RIMS2: variants seen among roughly 807,000 people sequenced by gnomAD.
RIMS2 encodes regulating synaptic membrane exocytosis protein 2.
In RIMS2, 59 loss-of-function variants were observed where a neutral mutation model predicts 174.4. The ratio of observed to expected loss-of-function variants is 0.34; its 90% CI spans 0.27 to 0.42. The LOEUF (loss-of-function observed/expected upper bound fraction) is 0.42, where lower values mean the gene tolerates loss of function less well. Ranked by LOEUF, RIMS2 falls within the 10% of genes least tolerant of loss-of-function variation. The pLI is 1.00. For synonymous variants in RIMS2, 606 were observed against 572.5 expected, an observed-to-expected ratio of 1.06 and a Z score of -0.84; for missense variants, 1,620 against 1,666.3, an observed-to-expected ratio of 0.97 and a Z score of 0.48.
At chr8:103,670,694 C>A (rs2096733669) in intron 1 of RIMS2, among the ~76,000 whole-genome samples, 2 of 152,202 alleles carry the variant, frequency 1.3e-5, no homozygotes, top group Admixed American at 6.5e-5. Context: ...CAGCTTTGCT[C>A]CACTTCCCAA....
At chr8:103,950,577 A>G (rs918794915) in intron 14 of RIMS2, among the ~76,000 whole-genome samples, 3 of 152,194 alleles carry the variant, frequency 2.0e-5, no homozygotes, top group African/African-American at 7.2e-5. Flanking sequence ...CATTTGATAA[A>G]ATCCAATGTT....
chr8:103,629,299 T>TCCTGGACAGATC (rs1308527564), intron 1 of RIMS2, among the ~76,000 whole-genome samples: 2 of 152,160 alleles, frequency 1.3e-5, no homozygotes, highest in Non-Finnish European at 2.9e-5. Flanking sequence ...GCATATGAAG[T>TCCTGGACAGATC]CCTGGACAGA....
chr8:103,967,155 G>A (rs72683106), intron 15 of RIMS2, among the ~76,000 whole-genome samples: 17,654 of 119,078 alleles, frequency 0.15, 1,484 homozygotes, highest in Non-Finnish European at 0.21. Context: ...TTTTCTGCCT[G>A]CTTGATCTGT....
chr8:104,148,741 C>A, intron 19 of RIMS2: 4 of 1,598,324 alleles, frequency 2.5e-6, no homozygotes, highest in Middle Eastern at 1.7e-4. Flanking sequence ...GCAGTGGGCA[C>A]CTTGGGCACC....
chr8:103,918,202 AG>A (rs2076964935), intron 8 of RIMS2, among the ~76,000 whole-genome samples: 1 of 152,186 alleles, frequency 6.6e-6, no homozygotes, highest in Admixed American at 6.5e-5. Context: ...TGTTTTTAAA[AG>A]TATGCTATGG....
intron 19 of RIMS2, among the ~76,000 whole-genome samples, chr8:104,119,922 T>C (rs72685005): frequency 0.036 from 5,526 of 152,326 alleles, 138 homozygotes; most frequent in Middle Eastern, 0.14. Flanking sequence ...CCATTTGTAC[T>C]TAAGGACAGT....
At chr8:103,895,421 T>C (rs150922964) in intron 4 of RIMS2, among the ~76,000 whole-genome samples, 2 of 151,644 alleles carry the variant, frequency 1.3e-5, no homozygotes, top group African/African-American at 4.9e-5. Flanking sequence ...TGCAAATAGC[T>C]CTTTTTGCTG....
At chr8:104,127,733 A>C (rs2098443430) in intron 19 of RIMS2, among the ~76,000 whole-genome samples, 1 of 140,488 alleles carries the variant, frequency 7.1e-6, no homozygotes, top group Non-Finnish European at 1.5e-5. Flanking sequence ...AAATGGTTGC[A>C]AAAAAAAACA....
At chr8:103,686,394 AC>A (rs1180914065) in intron 1 of RIMS2, among the ~76,000 whole-genome samples, 1 of 152,128 alleles carries the variant, frequency 6.6e-6, no homozygotes, top group Non-Finnish European at 1.5e-5. Flanking sequence ...GAAAGAGGAT[AC>A]CTTGCTTTAT....
chr8:103,630,076 C>T (rs1045694517), intron 1 of RIMS2, among the ~76,000 whole-genome samples: 1 of 149,632 alleles, frequency 6.7e-6, no homozygotes, highest in African/African-American at 2.5e-5. Flanking sequence ...CTGAGTGAAC[C>T]AATATCAGGC....
chr8:103,686,084 T>C (rs1212469168), intron 1 of RIMS2, among the ~76,000 whole-genome samples: 1 of 152,148 alleles, frequency 6.6e-6, no homozygotes, highest in Non-Finnish European at 1.5e-5. Flanking sequence ...TTTTTTATTT[T>C]TCGCTGCTGT....
chr8:103,552,413 T>C (rs1031501507), intron 1 of RIMS2, among the ~76,000 whole-genome samples: 1 of 152,232 alleles, frequency 6.6e-6, no homozygotes, highest in Non-Finnish European at 1.5e-5. Flanking sequence ...AAGCTGAAAT[T>C]GGATCCCTTC....
chr8:104,025,693 C>T (rs1317688315), intron 19 of RIMS2, among the ~76,000 whole-genome samples: 2 of 143,758 alleles, frequency 1.4e-5, no homozygotes, highest in Non-Finnish European at 1.5e-5. Context: ...CACCCTGAAG[C>T]AGTTGTTAAA....
intron 19 of RIMS2, among the ~76,000 whole-genome samples, chr8:104,196,768 A>T (rs959669063): frequency 2.1e-5 from 3 of 144,192 alleles, no homozygotes; most frequent in Non-Finnish European, 1.5e-5. Flanking sequence ...AATGATATAG[A>T]TGCTTAACAA....
chr8:103,530,435 CTGTTA>C (rs1378124046), intron 1 of RIMS2, among the ~76,000 whole-genome samples: 5 of 151,986 alleles, frequency 3.3e-5, no homozygotes, highest in Non-Finnish European at 7.4e-5. Flanking sequence ...TGTAAATGGA[CTGTTA>C]TAATAAAAAA....
At position 104,216,936 on chromosome 8, in the gene RIMS2, T is replaced by C. The variant is rs115236011; in HGVS notation, c.3335-27980T>C. ...TAATGGAATTAACTACCTTATATAG[T>C]GTTTATGAAAATTAAATGAGACAAT... On this transcript the variant is annotated intron_variant, in intron 19 of 23. Coordinates refer to ENST00000504942, the Ensembl canonical transcript of RIMS2. Among the ~76,000 whole-genome samples, 1,505 of 152,340 alleles carry C rather than the reference T, an allele frequency of 9.9e-3. 21 individuals carry two copies. The highest frequency in any genetic ancestry group is 0.033 in the African/African-American group (1,355 of 41,582).
intron 13 of RIMS2, among the ~76,000 whole-genome samples, chr8:103,942,547 A>C (rs1412954952): frequency 6.6e-6 from 1 of 152,218 alleles, no homozygotes; most frequent in Admixed American, 6.5e-5. Flanking sequence ...GTCAAGGGTC[A>C]ACAAAATAAA....
At chr8:103,884,640 T>G (rs865914123) in intron 3 of RIMS2, among the ~76,000 whole-genome samples, 1 of 151,886 alleles carries the variant, frequency 6.6e-6, no homozygotes, top group Non-Finnish European at 1.5e-5. Context: ...GGAATAAAAA[T>G]AGCAGTTTTT....
chr8:103,827,586 C>G (rs1347048507), intron 3 of RIMS2, among the ~76,000 whole-genome samples: 1 of 152,124 alleles, frequency 6.6e-6, no homozygotes, highest in Admixed American at 6.6e-5. Context: ...CCTGTGATCC[C>G]AGCACTTTGA....
Sources: allele counts gnomAD v4.1 joint callset (sites outside exome capture counted in the v4.1 genomes callset), GRCh38; gene constraint gnomAD v4.1.1; transcripts MANE v1.5; gene names NCBI Gene and HGNC (gene_info 2026-07-23, HGNC 2026-07-21).